CNTNAP5: variants seen among roughly 807,000 people sequenced by gnomAD.
The protein encoded by CNTNAP5 is contactin-associated protein-like 5.
A neutral mutation model predicts 150.2 loss-of-function variants in CNTNAP5; 72 were observed. That is an observed-to-expected ratio of 0.48 (90% CI 0.40 to 0.58). The LOEUF (loss-of-function observed/expected upper bound fraction) is 0.58, where lower values mean the gene tolerates loss of function less well. Among genes scored for constraint, CNTNAP5 ranks in the 20% least tolerant of loss-of-function variants. The probability of loss-of-function intolerance (pLI) is 0.00; values close to 1 mark genes in which losing one functional copy is unlikely to be tolerated. For missense variants in CNTNAP5, 1,636 were observed against 1,626.2 expected, an observed-to-expected ratio of 1.01 and a Z score of -0.10; for synonymous variants, 672 against 619.8, an observed-to-expected ratio of 1.08 and a Z score of -1.25.
chr2:124,419,773 G>T (rs1390941257), intron 4 of CNTNAP5, among the ~76,000 whole-genome samples: 1 of 151,882 alleles, frequency 6.6e-6, no homozygotes, highest in Non-Finnish European at 1.5e-5. Flanking sequence ...TTTTTTATTT[G>T]GGGGAAATAA....
At chr2:124,800,385 AC>A in intron 19 of CNTNAP5, among the ~76,000 whole-genome samples, 1 of 152,166 alleles carries the variant, frequency 6.6e-6, no homozygotes, top group Non-Finnish European at 1.5e-5. Context: ...ACACACACAC[AC>A]ACACAAATAT....
At chr2:124,342,167 C>A (rs150612959) in intron 3 of CNTNAP5, among the ~76,000 whole-genome samples, 1 of 152,252 alleles carries the variant, frequency 6.6e-6, no homozygotes, top group African/African-American at 2.4e-5. Context: ...CACAGGAAGT[C>A]CAATTTGTTT....
At chr2:124,212,829 CTTTTTTTTTTT>C (rs66534077) in intron 1 of CNTNAP5, among the ~76,000 whole-genome samples, 29 of 62,878 alleles carry the variant, frequency 4.6e-4, no homozygotes, top group African/African-American at 2.0e-3. Flanking sequence ...GTAGATAAAT[CTTTTTTTTTTT>C]TTTTTTTTTT....
At chr2:124,363,271 A>G (rs1245038591) in intron 3 of CNTNAP5, among the ~76,000 whole-genome samples, 4 of 151,690 alleles carry the variant, frequency 2.6e-5, no homozygotes, top group Non-Finnish European at 5.9e-5. Context: ...CTGCTGTCAA[A>G]TTTGTTTGTA....
intron 1 of CNTNAP5, among the ~76,000 whole-genome samples, chr2:124,087,446 G>A (rs1682717651): frequency 1.3e-5 from 2 of 151,810 alleles, no homozygotes; most frequent in Admixed American, 1.3e-4. Flanking sequence ...ATTTTTGGCT[G>A]GGCGTAGTTG....
intron 12 of CNTNAP5, among the ~76,000 whole-genome samples, chr2:124,633,321 G>A (rs1290777386): frequency 6.6e-6 from 1 of 152,168 alleles, no homozygotes; most frequent in Non-Finnish European, 1.5e-5. Context: ...GGGGTTATAG[G>A]CATTTGGTAA....
intron 8 of CNTNAP5, 42 bp downstream of exon 8, chr2:124,504,598 A>G (rs1054829485): frequency 6.3e-7 from 1 of 1,595,130 alleles, no homozygotes; most frequent in Non-Finnish European, 8.6e-7. Flanking sequence ...TTGTTTATCC[A>G]AGTCGACAAA....
intron 1 of CNTNAP5, among the ~76,000 whole-genome samples, chr2:124,036,444 A>G (rs1681222076): frequency 6.6e-6 from 1 of 152,048 alleles, no homozygotes; most frequent in African/African-American, 2.4e-5. Context: ...ACCTGGGACT[A>G]TGCTGCCACA....
intron 1 of CNTNAP5, among the ~76,000 whole-genome samples, chr2:124,058,399 C>A (rs1022806935): frequency 5.9e-5 from 9 of 152,136 alleles, no homozygotes; most frequent in African/African-American, 2.2e-4. Context: ...AGTCCTTCCA[C>A]TCCCGATTCA....
Sources: allele counts gnomAD v4.1 joint callset (sites outside exome capture counted in the v4.1 genomes callset), GRCh38; gene constraint gnomAD v4.1.1; transcripts MANE v1.5; gene names NCBI Gene and HGNC (gene_info 2026-07-23, HGNC 2026-07-21).